The following MYRFL variants were observed in gnomAD, a reference collection of about 807,000 sequenced individuals.
MYRFL encodes the protein myelin regulatory factor like, also known as myelin regulatory factor-like protein.
A neutral mutation model predicts 109.4 loss-of-function variants in MYRFL; 88 were observed. That is an observed-to-expected ratio of 0.80 (90% CI 0.68 to 0.96). The LOEUF (loss-of-function observed/expected upper bound fraction) is 0.96, where lower values mean the gene tolerates loss of function less well. MYRFL is among the 40% of genes least tolerant of loss of function. The pLI, the probability that MYRFL is intolerant of heterozygous loss-of-function variation, is 0.00. For missense variants in MYRFL, 957 were observed against 954.9 expected (o/e 1.00, Z -0.03); for synonymous variants, 324 against 320.9 (o/e 1.01, Z -0.10).
At chr12:69,857,266 G>C (rs11560007) in intron 2 of MYRFL, among the ~76,000 whole-genome samples, 2 of 151,724 alleles carry the variant, frequency 1.3e-5, no homozygotes, top group African/African-American at 4.8e-5. Context: ...CTTGATTACT[G>C]TACATGATCT....
chr12:69,958,008 T>C (rs1956132496), intron 23 of MYRFL, 66 bp downstream of exon 23: 2 of 1,494,694 alleles, frequency 1.3e-6, no homozygotes, highest in African/African-American at 2.8e-5. Flanking sequence ...TGCCAGTGTT[T>C]TCCCTCCCTG....
intron 7 of MYRFL, 21 bp from the exon 8 acceptor site, chr12:69,893,742 TA>T: frequency 7.5e-7 from 1 of 1,340,222 alleles, no homozygotes; most frequent in Non-Finnish European, 9.7e-7. Context: ...TTAATTAGTT[TA>T]CTTTTTGTTG....
At chr12:69,844,493 C>T (rs377124868) in intron 1 of MYRFL, among the ~76,000 whole-genome samples, 1 of 152,218 alleles carries the variant, frequency 6.6e-6, no homozygotes, top group Non-Finnish European at 1.5e-5. Flanking sequence ...CCATCTGCTT[C>T]TGTTAGCAGT....
chr12:69,921,262 C>T (rs534009521), intron 13 of MYRFL, among the ~76,000 whole-genome samples: 3 of 151,976 alleles, frequency 2.0e-5, no homozygotes, highest in South Asian at 2.1e-4. Flanking sequence ...GGCTGGTCTT[C>T]GAACTCCTAG....
intron 6 of MYRFL, among the ~76,000 whole-genome samples, chr12:69,888,876 GA>G (rs1886618427): frequency 6.6e-6 from 1 of 152,186 alleles, no homozygotes; most frequent in Non-Finnish European, 1.5e-5. Flanking sequence ...GCAGTTTCCA[GA>G]TGGCATAAGA....
chr12:69,936,355 C>T lies in MYRFL; in HGVS notation c.2044+20C>T. 1.3e-6 allele frequency: 2 copies of T among 1,535,476 alleles called. No homozygotes were observed. Among genetic ancestry groups the T allele is most frequent in the Non-Finnish European group, 1.7e-6 (2 of 1,146,630 alleles). ...CCTCAGGTAAAGGCTTCACATTCCT[C>T]ACCCTCAAACCCGGTTTCAAGTGAA... On this transcript the variant is annotated intron_variant, in intron 18 of 24. Coordinates refer to ENST00000552032, the MANE Select transcript of MYRFL (RefSeq NM_182530.3).
At position 69,957,843 on chromosome 12, in the gene MYRFL, C is replaced by A. The variant is rs1956128524; in HGVS notation, c.2472C>A (p.Val824=). 3 of 1,534,082 alleles carry A rather than the reference C, an allele frequency of 2.0e-6. No homozygotes were observed. In the East Asian group the frequency reaches 7.3e-5, roughly 38 times the overall value. The change falls in exon 23 of 25, where the codon GTC becomes GTA. Residue 824 remains valine (V), a synonymous_variant. Coordinates refer to ENST00000552032, the MANE Select transcript of MYRFL (RefSeq NM_182530.3). ...GAAGCACAACAGAGCCATTGATAGT[C>A]TTCCAGTGCAAATTCACCCTTGGAA... is the stretch of plus-strand genomic sequence containing the variant. ...LEINTTEPLI[V]FQCKFTLGNI... is the part of the protein sequence containing the mutation.
intron 13 of MYRFL, among the ~76,000 whole-genome samples, chr12:69,914,882 C>T (rs1029595582): frequency 6.6e-6 from 1 of 152,136 alleles, no homozygotes; most frequent in Non-Finnish European, 1.5e-5. Context: ...TGGAGTGATG[C>T]AATCTATGGA....
chr12:69,958,133 C>T (rs779894320), intron 23 of MYRFL, 116 bp from the exon 24 acceptor site: 17 of 1,186,104 alleles, frequency 1.4e-5, no homozygotes, highest in Admixed American at 4.9e-5. Context: ...CCATCAAAAG[C>T]TGTGATCCCA....
chr12:69,830,903 GTGTTAT>G (rs1015030775), intron 1 of MYRFL, among the ~76,000 whole-genome samples: 1 of 151,950 alleles, frequency 6.6e-6, no homozygotes, highest in Non-Finnish European at 1.5e-5. Flanking sequence ...ACCTTCTTTG[GTGTTAT>G]TGTTATTGTC....
chr12:69,888,286 G>A (rs571039033), intron 6 of MYRFL, among the ~76,000 whole-genome samples: 4 of 152,176 alleles, frequency 2.6e-5, no homozygotes, highest in Non-Finnish European at 5.9e-5. Context: ...AAAAAGGAAG[G>A]CAATATTTAC....
chr12:69,936,134 C>T lies in MYRFL; in HGVS notation c.1938C>T (p.Leu646=), dbSNP rs1955456836. 1 of 877,990 alleles carries T rather than the reference C, an allele frequency of 1.1e-6. No homozygotes were observed. The highest frequency in any genetic ancestry group is 2.1e-5 in the African/African-American group (1 of 48,162). 54.4% of individuals were successfully genotyped at this position (877,990 alleles called of 1,614,324 possible). A position where few individuals can be genotyped will look rare whatever the true frequency, so the allele number is the denominator to read the frequency against. The change falls in exon 17 of 25, where the codon CTC becomes CTT. Residue 646 remains leucine, a synonymous_variant. Transcript: ENST00000552032. ...ACAGTGCTTTGACGATAGTTGCCCT[C>T]TATATACTTAGCTTAAAAGATCAAG... ...MAFCALTIVA[L]YILSLKDQDR...
chr12:69,933,693 T>C (rs1349739391), intron 16 of MYRFL, among the ~76,000 whole-genome samples: 3 of 152,170 alleles, frequency 2.0e-5, no homozygotes, highest in African/African-American at 7.2e-5. Flanking sequence ...TTTGCACTTT[T>C]CTTAGTCTCC....
chr12:69,952,372 G>A (rs780280759), intron 20 of MYRFL, among the ~76,000 whole-genome samples, 197 bp downstream of exon 20: 3 of 152,224 alleles, frequency 2.0e-5, no homozygotes, highest in Non-Finnish European at 4.4e-5. Context: ...CTCACTGTCA[G>A]ACAAGTTGTG....
At chr12:69,871,492 A>G (rs1885353431) in intron 2 of MYRFL, among the ~76,000 whole-genome samples, 1 of 152,078 alleles carries the variant, frequency 6.6e-6, no homozygotes, top group Non-Finnish European at 1.5e-5. Flanking sequence ...TTGGCCTCCC[A>G]AAGTGCTGGG....
chr12:69,853,312 C>T (rs896769660), intron 1 of MYRFL, among the ~76,000 whole-genome samples: 4 of 152,066 alleles, frequency 2.6e-5, no homozygotes, highest in East Asian at 3.9e-4. Context: ...CTCCTCACTT[C>T]CCGGACGGGG....
chr12:69,832,944 TTGTGTGTGTGTGTGTGTGTG>T (rs57702116), intron 1 of MYRFL, among the ~76,000 whole-genome samples: 43 of 143,718 alleles, frequency 3.0e-4, no homozygotes, highest in Non-Finnish European at 6.1e-4. Context: ...AGGAACAGGC[TTGTGTGTGTGTGTGTGTGTG>T]TGTGTGTGTG....
At chr12:69,826,145 G>A (rs528627305) in intron 1 of MYRFL, among the ~76,000 whole-genome samples, 2 of 152,162 alleles carry the variant, frequency 1.3e-5, no homozygotes, top group South Asian at 2.1e-4. Context: ...AAAGAGTGAC[G>A]GGGCGTACCA....
intron 2 of MYRFL, among the ~76,000 whole-genome samples, chr12:69,869,078 T>A (rs934418787): frequency 2.6e-5 from 4 of 152,238 alleles, no homozygotes; most frequent in Non-Finnish European, 5.9e-5. Context: ...ATAAATCATA[T>A]ACATGAAAAA....
Sources: gnomAD v4.1 joint callset for allele counts (sites outside exome capture counted in the v4.1 genomes callset) on GRCh38, gnomAD v4.1.1 for gene constraint, MANE v1.5 for transcripts, NCBI Gene and HGNC (gene_info 2026-07-23, HGNC 2026-07-21) for gene names.